The following B3GALT1 variants were observed in gnomAD, a reference collection of about 807,000 sequenced individuals.
The protein encoded by B3GALT1 is UDP-Gal:betaGlcNAc beta 1,3-galactosyltransferase, polypeptide 1.
Under a neutral mutation model 23.2 loss-of-function variants are expected in B3GALT1, and 10 were observed. That is an observed-to-expected ratio of 0.43 (90% CI 0.27 to 0.73). B3GALT1 has a LOEUF of 0.73. Among genes scored for constraint, B3GALT1 ranks in the 30% least tolerant of loss-of-function variants. The pLI is 0.21. For missense variants in B3GALT1, 299 were observed against 405.4 expected, an observed-to-expected ratio of 0.74 and a Z score of 2.25; for synonymous variants, 156 against 141.5, an observed-to-expected ratio of 1.10 and a Z score of -0.73.
In B3GALT1 at chr2:167,595,294, CA is replaced by C. The variant is rs572094386; in HGVS notation, c.-409-51610del. 8.5e-5 allele frequency among the ~76,000 whole-genome samples: 13 copies of C among 152,222 alleles called. No individual in the cohort carries two copies. In the East Asian group the frequency reaches 2.5e-3, roughly 29 times the overall value. ...CTGGGGGTAATAGAGCAAAAATAGA[CA>C]AAAATAAGTCGTTTTGACTGTCTGC... is the stretch of plus-strand genomic sequence containing the variant. On this transcript the variant is annotated intron_variant, in intron 2 of 4. Transcript: ENST00000392690.
At chr2:167,736,244 A>G (rs1464411935) in intron 3 of B3GALT1, among the ~76,000 whole-genome samples, 4 of 152,210 alleles carry the variant, frequency 2.6e-5, no homozygotes, top group Admixed American at 2.6e-4. Context: ...TTAGTGCCAC[A>G]TTTAAGAAAA....
chr2:167,672,525 A>G (rs976858153), intron 3 of B3GALT1, among the ~76,000 whole-genome samples: 2 of 152,154 alleles, frequency 1.3e-5, no homozygotes, highest in African/African-American at 4.8e-5. Context: ...GATTTTTAGA[A>G]AGAACCTGAT....
intron 2 of B3GALT1, among the ~76,000 whole-genome samples, chr2:167,591,792 T>C (rs1323810282): frequency 6.6e-6 from 1 of 151,982 alleles, no homozygotes; most frequent in African/African-American, 2.4e-5. Context: ...TTTGTTGTTG[T>C]TGTTGTTGTT....
chr2:167,550,618 A>G (rs569058913), intron 2 of B3GALT1, among the ~76,000 whole-genome samples: 1 of 152,326 alleles, frequency 6.6e-6, no homozygotes, highest in South Asian at 2.1e-4. Flanking sequence ...CCATATAAAA[A>G]TAGTGGCCTC....
At chr2:167,806,124 C>CTGTT (rs974342210) in intron 3 of B3GALT1, among the ~76,000 whole-genome samples, 2 of 152,168 alleles carry the variant, frequency 1.3e-5, no homozygotes, top group African/African-American at 4.8e-5. Flanking sequence ...ATTTGGCTCT[C>CTGTT]TGTTTGTCTG....
intron 3 of B3GALT1, among the ~76,000 whole-genome samples, chr2:167,651,759 A>T (rs1332909745): frequency 2.0e-5 from 3 of 152,164 alleles, no homozygotes; most frequent in Non-Finnish European, 4.4e-5. Context: ...GTGCAGTTGA[A>T]CAACAGTTGA....
intron 2 of B3GALT1, among the ~76,000 whole-genome samples, chr2:167,551,094 G>A (rs1683735285): frequency 7.5e-6 from 1 of 133,500 alleles, no homozygotes; most frequent in East Asian, 1.9e-4. Flanking sequence ...ACATGCCTCT[G>A]GTGTTTGTCC....
At chr2:167,551,699 C>G (rs1574132424) in intron 2 of B3GALT1, among the ~76,000 whole-genome samples, 1 of 152,086 alleles carries the variant, frequency 6.6e-6, no homozygotes, top group Admixed American at 6.6e-5. Context: ...AGATGAGGTG[C>G]CTTTTTCTAA....
intron 2 of B3GALT1, among the ~76,000 whole-genome samples, chr2:167,565,046 C>G (rs1315020324): frequency 6.6e-6 from 1 of 152,140 alleles, no homozygotes; most frequent in Non-Finnish European, 1.5e-5. Flanking sequence ...CCCGCATTGC[C>G]AAGTCAATCC....
rs192616431 is a variant in B3GALT1, at chr2:167,810,796, G to C, written c.-351-7876G>C. On this transcript the variant is annotated intron_variant, in intron 3 of 4. Coordinates refer to ENST00000392690, the MANE Select transcript of B3GALT1 (RefSeq NM_020981.4). ...GAAAACTCTGCACATACTGCCCCAA[G>C]TTGTCAATTGTTATCTCGGCAGAAA... Among the ~76,000 whole-genome samples, 189 of 152,220 alleles carry C rather than the reference G, an allele frequency of 1.2e-3. 12 individuals carry two copies. The highest frequency in any genetic ancestry group is 4.4e-3 in the African/African-American group (183 of 41,500).
At chr2:167,754,317 G>A (rs915317729) in intron 3 of B3GALT1, among the ~76,000 whole-genome samples, 5 of 152,146 alleles carry the variant, frequency 3.3e-5, no homozygotes, top group Non-Finnish European at 7.4e-5. Context: ...CTATAATGCA[G>A]CAGTTCTCTT....
At chr2:167,757,206 A>G (rs550975418) in intron 3 of B3GALT1, among the ~76,000 whole-genome samples, 12 of 152,236 alleles carry the variant, frequency 7.9e-5, no homozygotes, top group Middle Eastern at 3.4e-3. Flanking sequence ...TGAAGGAAAT[A>G]ATTTGCTGCC....
intron 1 of B3GALT1, among the ~76,000 whole-genome samples, chr2:167,471,846 T>C (rs936481989): frequency 6.6e-6 from 1 of 152,184 alleles, no homozygotes; most frequent in Non-Finnish European, 1.5e-5. Context: ...TTTTTAGTGG[T>C]TGCTACCTAA....
At chr2:167,539,743 A>C (rs553896439) in intron 2 of B3GALT1, among the ~76,000 whole-genome samples, 5 of 152,282 alleles carry the variant, frequency 3.3e-5, no homozygotes, top group African/African-American at 1.2e-4. Context: ...GGTTATTAGA[A>C]GGTAATATAA....
intron 1 of B3GALT1, among the ~76,000 whole-genome samples, chr2:167,446,563 C>A (rs1025051976): frequency 2.0e-5 from 3 of 152,150 alleles, no homozygotes; most frequent in Non-Finnish European, 4.4e-5. Context: ...TTGTTCGTTT[C>A]TTTTTACTCT....
chr2:167,600,814 G>A (rs1684864602), intron 2 of B3GALT1, among the ~76,000 whole-genome samples: 1 of 151,870 alleles, frequency 6.6e-6, no homozygotes, highest in Non-Finnish European at 1.5e-5. Flanking sequence ...GGACAGTTTG[G>A]ATTCTCCCCC....
chr2:167,581,420 A>G (rs147481035), intron 2 of B3GALT1, among the ~76,000 whole-genome samples: 5 of 152,320 alleles, frequency 3.3e-5, no homozygotes, highest in Non-Finnish European at 5.9e-5. Context: ...TTAGTCAACA[A>G]CCTATAATCA....
At chr2:167,430,742 C>G (rs538094906) in intron 1 of B3GALT1, among the ~76,000 whole-genome samples, 5 of 151,970 alleles carry the variant, frequency 3.3e-5, no homozygotes, top group African/African-American at 1.2e-4. Context: ...ATTGTAGGAG[C>G]CAGTTTTGGG....
At chr2:167,686,712 T>C (rs570718331) in intron 3 of B3GALT1, among the ~76,000 whole-genome samples, 26 of 152,344 alleles carry the variant, frequency 1.7e-4, no homozygotes, top group African/African-American at 5.8e-4. Flanking sequence ...CATGTCCATG[T>C]GCACACTTAC....
Sources: gnomAD v4.1 joint callset for allele counts (sites outside exome capture counted in the v4.1 genomes callset) on GRCh38, gnomAD v4.1.1 for gene constraint, MANE v1.5 for transcripts, NCBI Gene and HGNC (gene_info 2026-07-23, HGNC 2026-07-21) for gene names.